Variants in FGFRL1 observed in about 807,000 individuals in gnomAD.
FGFRL1 encodes the protein fibroblast growth factor receptor-like 1.
FGFRL1 carries 24 observed loss-of-function variants against 36.8 expected under a neutral mutation model. The observed-to-expected ratio is 0.65, with a 90% CI of 0.47 to 0.92. The LOEUF (loss-of-function observed/expected upper bound fraction) is 0.92. FGFRL1 is among the 40% of genes least tolerant of loss of function. The probability of loss-of-function intolerance (pLI) is 0.00; values close to 1 mark genes in which losing one functional copy is unlikely to be tolerated. For missense variants in FGFRL1, 785 were observed against 753.4 expected (o/e 1.04, Z -0.49); for synonymous variants, 422 against 344.1 (o/e 1.23, Z -2.50).
chr4:1,025,152 T>C lies in FGFRL1; in HGVS notation c.1320T>C (p.Ala440=), dbSNP rs1431375825. 6.2e-7 allele frequency: 1 copy of C among 1,610,738 alleles called. No homozygotes were observed. Among genetic ancestry groups the C allele is most frequent in the Non-Finnish European group, 8.5e-7 (1 of 1,179,272 alleles). ...KDLPSLAALS[A]GPGVGLCEEH... ...TTCCCTCGTTGGCCGCCCTCAGCGC[T>C]GGCCCTGGTGTGGGGCTGTGTGAGG... The change falls in exon 7 of 7, where the codon GCT becomes GCC. Residue 440 remains alanine, a synonymous_variant. Transcript: ENST00000510644.
At position 1,023,371 on chromosome 4, in the gene FGFRL1, C is replaced by T. The variant is rs1015673247; in HGVS notation, c.353-270C>T. The stretch of plus-strand genomic sequence containing the variant: ...GGCCGGGCCCGGCTCCCTCCTCCCC[C>T]GGGGCCTGCAGACCCCCCGGAGCCA... On this transcript the variant is annotated intron_variant, in intron 3 of 6. Transcript: ENST00000510644. The surrounding 1 kb of genome is among the most constrained non-coding windows in gnomAD (Gnocchi z 6.0). Among the ~76,000 whole-genome samples, 4 of 152,168 alleles carry T rather than the reference C, an allele frequency of 2.6e-5. No homozygotes were observed. Among genetic ancestry groups the T allele is most frequent in the Non-Finnish European group, 4.4e-5 (3 of 67,982 alleles).
rs962065800 is a variant in FGFRL1, at chr4:1,015,489, G to A, written c.79+2925G>A. On this transcript the variant is annotated intron_variant, in intron 2 of 6. Transcript: ENST00000510644. ...CAGGGGTGAAGCAGGGGATGGGAGA[G>A]GAGGGGCTTCACGGGCCAAGGCATA... 2.6e-5 allele frequency among the ~76,000 whole-genome samples: 4 copies of A among 152,236 alleles called. No individual in the cohort carries two copies. The South Asian group carries it at 8.3e-4, about 31-fold the overall frequency.
At position 1,024,360 on chromosome 4, in the gene FGFRL1, G is replaced by T; in HGVS notation, c.768G>T (p.Thr256=). ...PVLTGTHPVN[T]TVDFGGTTSF... is the part of the protein sequence containing the mutation. ...TCACAGGCACGCACCCCGTGAACACGACGGTGGACTTCGGGGGGACCACGT... is the reference window on the plus strand; with the variant it reads ...TCACAGGCACGCACCCCGTGAACACTACGGTGGACTTCGGGGGGACCACGT... The change falls in exon 6 of 7, where the codon ACG becomes ACT. Residue 256 remains threonine (T), a synonymous_variant. Transcript: ENST00000510644. The T allele has an allele frequency of 6.2e-7, 1 of 1,612,114 alleles. No homozygotes were observed. The highest frequency in any genetic ancestry group is 8.5e-7 in the Non-Finnish European group (1 of 1,179,588).
intron 2 of FGFRL1, among the ~76,000 whole-genome samples, chr4:1,017,997 C>T (rs1333139111): frequency 1.3e-5 from 2 of 152,212 alleles, no homozygotes; most frequent in Non-Finnish European, 2.9e-5. Context: ...ACCACGTGGC[C>T]AGGACGGGCC....
chr4:1,014,170 G>C (rs1715759992), intron 2 of FGFRL1, among the ~76,000 whole-genome samples: 1 of 152,142 alleles, frequency 6.6e-6, no homozygotes, highest in South Asian at 2.1e-4. Flanking sequence ...TTTCCCGCTG[G>C]GTCATAAGTT....
chr4:1,021,626 C>T (rs890439918), intron 2 of FGFRL1, among the ~76,000 whole-genome samples: 11 of 152,158 alleles, frequency 7.2e-5, no homozygotes, highest in South Asian at 2.1e-4. Context: ...GGCAGCCCGC[C>T]GTGCTCGGTT....
chr4:1,012,659 C>T lies in FGFRL1; in HGVS notation c.79+95C>T, dbSNP rs376374030. 43 of 497,478 alleles carry T rather than the reference C, an allele frequency of 8.6e-5. 2 individuals carry two copies. Among genetic ancestry groups the T allele is most frequent in the South Asian group, 6.1e-4 (14 of 22,902 alleles). 30.8% of individuals were successfully genotyped at this position (497,478 alleles called of 1,614,324 possible). On this transcript the variant is annotated intron_variant, in intron 2 of 6. Coordinates refer to ENST00000510644, the MANE Select transcript of FGFRL1 (RefSeq NM_001004356.3). Reference sequence around the variant, plus strand: ...ACCCTGCCACAGTGCCCGCCTGGCACGCGCCATGCCCCGCCCCTGCCGCCC... The same window carrying T: ...ACCCTGCCACAGTGCCCGCCTGGCATGCGCCATGCCCCGCCCCTGCCGCCC...
intron 2 of FGFRL1, among the ~76,000 whole-genome samples, chr4:1,013,859 C>G (rs1323486254): frequency 6.6e-6 from 1 of 152,294 alleles, no homozygotes; most frequent in African/African-American, 2.4e-5. Context: ...GCGGCCACCC[C>G]CTTCGCCTTC....
At chr4:1,015,187 C>G (rs538448829) in intron 2 of FGFRL1, among the ~76,000 whole-genome samples, 22 of 152,356 alleles carry the variant, frequency 1.4e-4, no homozygotes, top group African/African-American at 2.6e-4. Flanking sequence ...GCTGCTCGGC[C>G]CAGGGTGGAC....
At chr4:1,013,687 C>T (rs1715734089) in intron 2 of FGFRL1, among the ~76,000 whole-genome samples, 1 of 152,276 alleles carries the variant, frequency 6.6e-6, no homozygotes, top group Non-Finnish European at 1.5e-5. Flanking sequence ...GTTTGGCCTC[C>T]CCAATCCCTA....
At chr4:1,014,861 G>C (rs1321304377) in intron 2 of FGFRL1, among the ~76,000 whole-genome samples, 1 of 152,196 alleles carries the variant, frequency 6.6e-6, no homozygotes, top group Non-Finnish European at 1.5e-5. Flanking sequence ...ATAAATCACT[G>C]TCCCCTTGGG....
rs1256899396 is a variant in FGFRL1 at position 1,026,332 on chromosome 4, A to T, written c.*985A>T. The T allele has an allele frequency of 7.5e-6, 1 of 133,286 alleles. No individual in the cohort carries two copies. Among genetic ancestry groups the T allele is most frequent in the Non-Finnish European group, 1.7e-5 (1 of 57,994 alleles). The allele number at this position is 133,286 out of a possible 1,614,324, so 8.3% of individuals were successfully genotyped here. On this transcript the variant is annotated 3_prime_UTR_variant, in exon 7 of 7. Transcript: ENST00000510644. The stretch of plus-strand genomic sequence containing the variant: ...ACACGCAGACTGACGTGCTTTTGGG[A>T]GGGTGTGCCGTGAAGCCTGCAGTAC...
intron 2 of FGFRL1, among the ~76,000 whole-genome samples, chr4:1,021,921 G>C (rs973277328): frequency 6.6e-6 from 1 of 152,204 alleles, no homozygotes; most frequent in African/African-American, 2.4e-5. Context: ...CTCCCTTCTC[G>C]TGTCTCAAAG....
rs28417706 is a variant in FGFRL1 at position 1,017,533 on chromosome 4, G to A, written c.80-4670G>A. The stretch of plus-strand genomic sequence containing the variant: ...CCCCGTTGTCCCTACTGGGTCAGGA[G>A]TCCCGTCCGACCTGGGCAGGTGCTG... On this transcript the variant is annotated intron_variant, in intron 2 of 6. Transcript: ENST00000510644. Among the ~76,000 whole-genome samples the A allele has an allele frequency of 7.9e-3, 1,206 of 152,330 alleles. 16 individuals carry two copies. Among genetic ancestry groups the A allele is most frequent in the African/African-American group, 0.028 (1,169 of 41,572 alleles).
Position 1,011,789 on chromosome 4 carries a change from C to A in FGFRL1, c.-182C>A, listed in dbSNP as rs1479570120. 3 of 142,852 alleles carry A rather than the reference C, an allele frequency of 2.1e-5. No individual in the cohort carries two copies. The highest frequency in any genetic ancestry group is 2.0e-4 in the South Asian group (1 of 5,126). The allele number at this position is 142,852 out of a possible 1,614,324, so 8.8% of individuals were successfully genotyped here. A position where few individuals can be genotyped will look rare whatever the true frequency, so the allele number is the denominator to read the frequency against. On this transcript the variant is annotated 5_prime_UTR_variant, in exon 1 of 7. Coordinates refer to ENST00000510644, the MANE Select transcript of FGFRL1 (RefSeq NM_001004356.3). The stretch of plus-strand genomic sequence containing the variant: ...GCCCCGAGCGCCCGAGCCCGGACCC[C>A]GACCCGGCCCGAGCCGCCCGCGCCC...
At position 1,023,780 on chromosome 4, in the gene FGFRL1, C is replaced by T. The variant is rs763986725; in HGVS notation, c.434-37C>T. 6.4e-7 allele frequency: 1 copy of T among 1,559,398 alleles called. No homozygotes were observed. The highest frequency in any genetic ancestry group is 8.7e-7 in the Non-Finnish European group (1 of 1,151,998). On this transcript the variant is annotated intron_variant, in intron 4 of 6. Coordinates refer to ENST00000510644, the MANE Select transcript of FGFRL1 (RefSeq NM_001004356.3). This position sits in a 1 kb window ranked among gnomAD's most constrained non-coding sequence, Gnocchi z 6.0. ...GTCTGTCCCGGCCCCTTGGCTGCAT[C>T]CCCGTCCTCTGACCTCCACGCCACC...
At chr4:1,018,191 G>A (rs1715992818) in intron 2 of FGFRL1, among the ~76,000 whole-genome samples, 1 of 152,144 alleles carries the variant, frequency 6.6e-6, no homozygotes, top group Non-Finnish European at 1.5e-5. Flanking sequence ...CCATCCCAGG[G>A]CCTGCCCACC....
chr4:1,012,569 G>A lies in FGFRL1; in HGVS notation c.79+5G>A. ...CGCCGGCCGCCGCCGCCCGAGGTGAGTTCTGGCGCCCAGCCCGGCCAGCCT... is the reference window on the plus strand; with the variant it reads ...CGCCGGCCGCCGCCGCCCGAGGTGAATTCTGGCGCCCAGCCCGGCCAGCCT... On this transcript the variant is annotated splice_donor_5th_base_variant and intron_variant, in intron 2 of 6. Coordinates refer to ENST00000510644, the MANE Select transcript of FGFRL1 (RefSeq NM_001004356.3). 4 of 1,372,192 alleles carry A rather than the reference G, an allele frequency of 2.9e-6. No homozygotes were observed. The highest frequency in any genetic ancestry group is 3.9e-6 in the Non-Finnish European group (4 of 1,023,648). 85.0% of individuals were successfully genotyped at this position (1,372,192 alleles called of 1,614,324 possible). A position where few individuals can be genotyped will look rare whatever the true frequency, so the allele number is the denominator to read the frequency against.
At chr4:1,022,142 G>GC (rs923012617) in intron 2 of FGFRL1, 61 bp from the exon 3 acceptor site, 202 of 1,307,666 alleles carry the variant, frequency 1.5e-4, no homozygotes, top group Middle Eastern at 5.6e-4. Flanking sequence ...CCTTTTGACC[G>GC]CCCCCCCGGC....
Sources: allele counts gnomAD v4.1 joint callset (sites outside exome capture counted in the v4.1 genomes callset), GRCh38; gene constraint gnomAD v4.1.1; non-coding constraint Gnocchi (gnomAD v3.1); transcripts MANE v1.5; gene names NCBI Gene and HGNC (gene_info 2026-07-23, HGNC 2026-07-21).